The following PALM variants were observed in gnomAD, a reference collection of about 807,000 sequenced individuals.
PALM encodes paralemmin, also known as paralemmin-1.
In PALM, 18 loss-of-function variants were observed where a neutral mutation model predicts 30.7. That is an observed-to-expected ratio of 0.59 (90% confidence interval 0.41 to 0.87). The LOEUF (loss-of-function observed/expected upper bound fraction) is 0.87. Among genes scored for constraint, PALM ranks in the 40% least tolerant of loss-of-function variants. The probability of loss-of-function intolerance (pLI) is 0.00; values close to 1 mark genes in which losing one functional copy is unlikely to be tolerated. For missense variants in PALM, 529 were observed against 555.4 expected, an observed-to-expected ratio of 0.95 and a Z score of 0.48; for synonymous variants, 286 against 242.8, an observed-to-expected ratio of 1.18 and a Z score of -1.66.
intron 1 of PALM, among the ~76,000 whole-genome samples, chr19:724,981 G>A (rs1004727941): frequency 2.6e-5 from 4 of 151,776 alleles, no homozygotes; most frequent in East Asian, 2.0e-4. Flanking sequence ...GGGCAGTGGC[G>A]CGATCTCGGC....
chr19:722,616 T>C (rs2032528605), intron 1 of PALM: 1 of 152,276 alleles, frequency 6.6e-6, no homozygotes, highest in Admixed American at 6.6e-5. Context: ...CAGGGAACAC[T>C]AGAGGCCTGG....
At chr19:727,295 T>TGACCCC (rs2032715702) in intron 3 of PALM, among the ~76,000 whole-genome samples, 1 of 53,974 alleles carries the variant, frequency 1.9e-5, no homozygotes, top group Non-Finnish European at 3.5e-5. Flanking sequence ...AACCTGACCC[T>TGACCCC]GACCCCGACC....
intron 1 of PALM, among the ~76,000 whole-genome samples, chr19:717,425 C>T (rs989258118): frequency 9.2e-5 from 14 of 152,038 alleles, no homozygotes; most frequent in African/African-American, 3.4e-4. Flanking sequence ...TGTCTGGCGT[C>T]TCTCACTGAG....
intron 4 of PALM, among the ~76,000 whole-genome samples, chr19:729,585 C>G (rs1237873545): frequency 6.6e-6 from 1 of 151,012 alleles, no homozygotes; most frequent in Middle Eastern, 3.2e-3. Flanking sequence ...CCTGCCTCAG[C>G]CTTCTGAGTA....
In PALM at chr19:747,042, GGA is replaced by G. The variant is rs1226909657; in HGVS notation, c.*235_*236del. ...CAGAGCCGTGCACTTGTGCCTGGTA[GGA>G]GAGAGACAGGACAGACCCGCTTTTC... On this transcript the variant is annotated 3_prime_UTR_variant, in exon 9 of 9. Coordinates refer to ENST00000338448, the MANE Select transcript of PALM (RefSeq NM_002579.3). The G allele has an allele frequency of 1.8e-5, 10 of 555,132 alleles. No homozygotes were observed. The Admixed American group carries it at 3.0e-4, about 17-fold the overall frequency. The allele number at this position is 555,132 out of a possible 1,614,324, so 34.4% of individuals were successfully genotyped here.
chr19:712,721 A>C (rs571020637), intron 1 of PALM, among the ~76,000 whole-genome samples: 3 of 134,052 alleles, frequency 2.2e-5, no homozygotes, highest in African/African-American at 8.5e-5. Context: ...TGTCACCCAG[A>C]CTGGAGTGCA....
Position 740,374 on chromosome 19 carries a change from T to C in PALM, c.525T>C (p.Thr175=). ...CAGCCATGTACTCGGTTGAGATCAC[T>C]GTGGAGAAGGACAAGGTGACAGGGG... is the stretch of plus-strand genomic sequence containing the variant. ...MKAAMYSVEI[T]VEKDKVTGET... is the part of the protein sequence containing the mutation. Residue 175 remains threonine, a synonymous_variant, in exon 8 of 9, where the codon ACT becomes ACC. Transcript: ENST00000338448. The C allele has an allele frequency of 6.4e-7, 1 of 1,565,606 alleles. No individual in the cohort carries two copies.
intron 1 of PALM, among the ~76,000 whole-genome samples, chr19:711,786 C>T (rs1457515154): frequency 1.3e-5 from 2 of 152,052 alleles, no homozygotes. Flanking sequence ...CAGGAGGTGG[C>T]GGAACATGGG....
intron 1 of PALM, among the ~76,000 whole-genome samples, chr19:725,580 T>C (rs1211584179): frequency 1.3e-5 from 2 of 152,006 alleles, no homozygotes; most frequent in Admixed American, 6.6e-5. Flanking sequence ...AAAACCACAA[T>C]GATTGGATAA....
chr19:709,204 G>C lies in PALM; in HGVS notation c.5+53G>C. ...CTGGGGGCCCGGAGCTCCGGGAGCC[G>C]GGGAGGGGGGAGGCCCCCTCTCTCG... On this transcript the variant is annotated intron_variant, in intron 1 of 8. Transcript: ENST00000338448. The surrounding 1 kb of genome is among the most constrained non-coding windows in gnomAD (Gnocchi z 4.3). 1 of 307,120 alleles carries C rather than the reference G, an allele frequency of 3.3e-6. No homozygotes were observed. The highest frequency in any genetic ancestry group is 6.0e-6 in the Non-Finnish European group (1 of 166,886). The allele number at this position is 307,120 out of a possible 1,614,324, so 19.0% of individuals were successfully genotyped here. A position where few individuals can be genotyped will look rare whatever the true frequency, so the allele number is the denominator to read the frequency against.
chr19:727,546 TG>T lies in PALM; in HGVS notation c.139-16del. 1 of 1,579,700 alleles carries T rather than the reference TG, an allele frequency of 6.3e-7. No homozygotes were observed. Among genetic ancestry groups the T allele is most frequent in the Non-Finnish European group, 8.6e-7 (1 of 1,162,376 alleles). Reference sequence around the variant, plus strand: ...CCTGGTCCTGCCCACGACTCTGACCTGGATCCCTGCTGCTCAGTCCAAGGCA... The same window carrying T: ...CCTGGTCCTGCCCACGACTCTGACCTGATCCCTGCTGCTCAGTCCAAGGCA... On this transcript the variant is annotated splice_polypyrimidine_tract_variant and intron_variant, in intron 3 of 8. Transcript: ENST00000338448.
At chr19:739,191 C>T (rs1030215800) in intron 7 of PALM, among the ~76,000 whole-genome samples, 13 of 152,144 alleles carry the variant, frequency 8.5e-5, no homozygotes, top group Non-Finnish European at 1.3e-4. Flanking sequence ...GTAGCAAGTT[C>T]GACTATCTCA....
intron 5 of PALM, among the ~76,000 whole-genome samples, chr19:731,914 C>T (rs1367184870): frequency 1.3e-5 from 2 of 152,082 alleles, no homozygotes; most frequent in African/African-American, 4.8e-5. Context: ...CACCCAACCT[C>T]GGCCTCCCAA....
chr19:717,378 T>A (rs2144852436), intron 1 of PALM, among the ~76,000 whole-genome samples: 1 of 152,120 alleles, frequency 6.6e-6, no homozygotes, highest in Non-Finnish European at 1.5e-5. Flanking sequence ...TCCTGGACAT[T>A]TCGTAGACAT....
intron 4 of PALM, among the ~76,000 whole-genome samples, chr19:728,472 G>A (rs1480089100): frequency 6.6e-6 from 1 of 152,194 alleles, no homozygotes; most frequent in Non-Finnish European, 1.5e-5. Context: ...AAAGCACGTT[G>A]GGGGTGTTCG....
chr19:726,959 C>CA, intron 2 of PALM, 49 bp from the exon 3 acceptor site: 1 of 1,141,592 alleles, frequency 8.8e-7, no homozygotes, highest in South Asian at 1.3e-5. Flanking sequence ...GTGGGGGGGT[C>CA]TCCGGGACCC....
At chr19:710,960 C>G (rs1303834175) in intron 1 of PALM, among the ~76,000 whole-genome samples, 1 of 152,228 alleles carries the variant, frequency 6.6e-6, no homozygotes, top group Non-Finnish European at 1.5e-5. Context: ...GCTTCAGGCA[C>G]GAAGGCCCCG....
chr19:718,655 T>G (rs1462532278), intron 1 of PALM, among the ~76,000 whole-genome samples: 1 of 152,078 alleles, frequency 6.6e-6, no homozygotes, highest in Non-Finnish European at 1.5e-5. Context: ...GTAACCCGTT[T>G]AGGGTTCTCG....
chr19:721,168 G>T (rs538730282), intron 1 of PALM, among the ~76,000 whole-genome samples: 1 of 152,306 alleles, frequency 6.6e-6, no homozygotes, highest in Non-Finnish European at 1.5e-5. Flanking sequence ...TAGACCAACG[G>T]GGGAAGTGAA....
Sources: gnomAD v4.1 joint callset for allele counts (sites outside exome capture counted in the v4.1 genomes callset) on GRCh38, gnomAD v4.1.1 for gene constraint, Gnocchi (gnomAD v3.1) non-coding constraint, MANE v1.5 for transcripts, NCBI Gene and HGNC (gene_info 2026-07-23, HGNC 2026-07-21) for gene names.